Variants in PDE3A observed in about 807,000 individuals in gnomAD.
The protein encoded by PDE3A is cGMP-inhibited 3',5'-cyclic phosphodiesterase 3A.
A neutral mutation model predicts 98.3 loss-of-function variants in PDE3A; 43 were observed. The observed-to-expected ratio is 0.44, with a 90% confidence interval of 0.34 to 0.56. The LOEUF (loss-of-function observed/expected upper bound fraction) is 0.56. PDE3A is among the 20% of genes least tolerant of loss of function. The pLI, the probability that PDE3A is intolerant of heterozygous loss-of-function variation, is 0.01. For missense variants in PDE3A, 1,427 were observed against 1,440.7 expected (o/e 0.99, Z 0.15); for synonymous variants, 663 against 567.9 (o/e 1.17, Z -2.38).
chr12:20,516,360 G>T (rs1394656771), intron 1 of PDE3A, among the ~76,000 whole-genome samples: 1 of 152,076 alleles, frequency 6.6e-6, no homozygotes, highest in African/African-American at 2.4e-5. Flanking sequence ...AAAATAAGTG[G>T]ACATGTAAAA....
chr12:20,405,422 T>G (rs1324380061), intron 1 of PDE3A, among the ~76,000 whole-genome samples: 1 of 152,094 alleles, frequency 6.6e-6, no homozygotes, highest in East Asian at 1.9e-4. Context: ...ATTCCCCATT[T>G]CCAGGCCCCT....
At chr12:20,520,293 T>A (rs1390888981) in intron 1 of PDE3A, among the ~76,000 whole-genome samples, 2 of 152,156 alleles carry the variant, frequency 1.3e-5, no homozygotes, top group African/African-American at 2.4e-5. Context: ...TGGGTTAGTT[T>A]TAGGCTGGCA....
At chr12:20,377,048 A>G (rs1040257687) in intron 1 of PDE3A, among the ~76,000 whole-genome samples, 3 of 151,740 alleles carry the variant, frequency 2.0e-5, no homozygotes, top group African/African-American at 7.3e-5. Context: ...CAGGGGGCAC[A>G]TATTGTTTGC....
chr12:20,631,699 T>TG (rs763343607), intron 6 of PDE3A, among the ~76,000 whole-genome samples: 1 of 95,534 alleles, frequency 1.0e-5, no homozygotes, highest in Admixed American at 1.1e-4. Flanking sequence ...CATCATAGTG[T>TG]ATTTTTTTTT....
At chr12:20,661,917 C>T (rs1945179924) in intron 15 of PDE3A, among the ~76,000 whole-genome samples, 1 of 152,018 alleles carries the variant, frequency 6.6e-6, no homozygotes, top group Non-Finnish European at 1.5e-5. Flanking sequence ...AGCCACTGTC[C>T]TCCAGACCCC....
Position 20,646,883 on chromosome 12 carries a change from C to T in PDE3A, c.2498C>T (p.Ala833Val). The change falls in exon 12 of 16, where the codon GCA becomes GTA. Residue 833 changes from alanine (A) to valine (V), a missense_variant. This residue lies in a region of PDE3A where 273 missense variants were observed against 420.3 expected (regional missense o/e 0.65). Coordinates refer to ENST00000359062, the MANE Select transcript of PDE3A (RefSeq NM_000921.5). ...ALELMALYVA[A>V]AMHDYDHPGR... ...GAGTTGATGGCGCTGTATGTGGCTG[C>T]AGCCATGCACGATTATGATCATCCA... 6.2e-7 allele frequency: 1 copy of T among 1,613,836 alleles called. No individual in the cohort carries two copies.
At chr12:20,497,529 TAAAAA>T (rs368630383) in intron 1 of PDE3A, among the ~76,000 whole-genome samples, 1 of 139,698 alleles carries the variant, frequency 7.2e-6, no homozygotes, top group Non-Finnish European at 1.6e-5. Flanking sequence ...AATTGTGCCC[TAAAAA>T]AAAAAACAGG....
chr12:20,666,212 G>A (rs1245558529), intron 15 of PDE3A, among the ~76,000 whole-genome samples: 14 of 151,982 alleles, frequency 9.2e-5, no homozygotes, highest in South Asian at 8.3e-4. Context: ...TGGTCCATCC[G>A]CCTCGGCCTC....
At chr12:20,596,107 T>C (rs758101849) in intron 2 of PDE3A, among the ~76,000 whole-genome samples, 3 of 152,180 alleles carry the variant, frequency 2.0e-5, no homozygotes, top group Non-Finnish European at 4.4e-5. Flanking sequence ...TCTGTAGAAA[T>C]TGACTCTTCA....
intron 1 of PDE3A, among the ~76,000 whole-genome samples, chr12:20,520,605 G>A (rs966039213): frequency 6.6e-6 from 1 of 152,180 alleles, no homozygotes; most frequent in Non-Finnish European, 1.5e-5. Flanking sequence ...TAGTTGGCTT[G>A]TTTTACTGTA....
At chr12:20,394,636 T>C (rs1943975038) in intron 1 of PDE3A, among the ~76,000 whole-genome samples, 2 of 152,070 alleles carry the variant, frequency 1.3e-5, no homozygotes, top group African/African-American at 4.8e-5. Context: ...GTACTAAATT[T>C]TACAATTATA....
At chr12:20,632,597 A>G (rs1019342986) in intron 6 of PDE3A, among the ~76,000 whole-genome samples, 1 of 152,150 alleles carries the variant, frequency 6.6e-6, no homozygotes, top group African/African-American at 2.4e-5. Flanking sequence ...TTGTGGGGTT[A>G]CTGTTTAATA....
intron 3 of PDE3A, 140 bp downstream of exon 3, chr12:20,613,840 G>T (rs1943932356): frequency 1.6e-6 from 1 of 622,436 alleles, no homozygotes; most frequent in Admixed American, 2.9e-5. Context: ...GGTGACAGAA[G>T]TAATAAATAT....
chr12:20,678,772 G>A (rs1357756533), intron 15 of PDE3A, among the ~76,000 whole-genome samples: 1 of 152,188 alleles, frequency 6.6e-6, no homozygotes, highest in East Asian at 1.9e-4. Flanking sequence ...AATATCTCAG[G>A]GGAGGACTCA....
chr12:20,402,047 G>C (rs1944141839), intron 1 of PDE3A, among the ~76,000 whole-genome samples: 1 of 152,208 alleles, frequency 6.6e-6, no homozygotes, highest in African/African-American at 2.4e-5. Context: ...GGTTCAGTAT[G>C]TATCTGTGGA....
intron 2 of PDE3A, among the ~76,000 whole-genome samples, chr12:20,583,717 T>G (rs1457621146): frequency 6.6e-6 from 1 of 152,226 alleles, no homozygotes; most frequent in Non-Finnish European, 1.5e-5. Context: ...AAGATAAACC[T>G]TCAACAAATA....
chr12:20,455,395 C>T (rs1565554939), intron 1 of PDE3A, among the ~76,000 whole-genome samples: 1 of 152,166 alleles, frequency 6.6e-6, no homozygotes, highest in Non-Finnish European at 1.5e-5. Flanking sequence ...AATGTTCTCC[C>T]ATTCTGTAGA....
At position 20,687,710 on chromosome 12, in the gene PDE3A, A is replaced by G. The variant is rs960085580; in HGVS notation, c.*7439A>G. On this transcript the variant is annotated 3_prime_UTR_variant, in exon 16 of 16. Coordinates refer to ENST00000359062, the MANE Select transcript of PDE3A (RefSeq NM_000921.5). The stretch of plus-strand genomic sequence containing the variant: ...AATTGGTGCTTTTACAAATATTTGA[A>G]AGCTCTCAATGCAAAATAATAAAAA... Among the ~76,000 whole-genome samples the G allele has an allele frequency of 2.0e-5, 3 of 151,954 alleles. No individual in the cohort carries two copies. The highest frequency in any genetic ancestry group is 7.2e-5 in the African/African-American group (3 of 41,394).
chr12:20,616,515 T>A, intron 4 of PDE3A, 131 bp downstream of exon 4: 1 of 773,350 alleles, frequency 1.3e-6, no homozygotes, highest in Non-Finnish European at 2.1e-6. Context: ...ATGGAAAGGG[T>A]ACATGGTTCA....
Sources: gnomAD v4.1 joint callset for allele counts (sites outside exome capture counted in the v4.1 genomes callset) on GRCh38, gnomAD v4.1.1 for gene constraint, gnomAD v4.1.1 regional missense constraint, MANE v1.5 for transcripts, NCBI Gene and HGNC (gene_info 2026-07-23, HGNC 2026-07-21) for gene names.